Variants in CTNNA3 observed in about 807,000 individuals in gnomAD.
CTNNA3 encodes catenin alpha 3, also known as catenin alpha-3.
Under a neutral mutation model 95.7 loss-of-function variants are expected in CTNNA3, and 76 were observed. The ratio of observed to expected loss-of-function variants is 0.79; its 90% CI spans 0.66 to 0.96. CTNNA3 has a LOEUF of 0.96. Ranked by LOEUF, CTNNA3 falls within the 40% of genes least tolerant of loss-of-function variation. The pLI is 0.00. For missense variants in CTNNA3, 1,191 were observed against 1,089.8 expected (o/e 1.09, Z -1.31); for synonymous variants, 431 against 374.4 (o/e 1.15, Z -1.74).
chr10:66,253,073 T>C lies in CTNNA3; in HGVS notation c.1884+27397A>G, dbSNP rs969517295. Among the ~76,000 whole-genome samples, 126 of 152,310 alleles carry C rather than the reference T, an allele frequency of 8.3e-4. 1 individual carries two copies. The highest frequency in any genetic ancestry group is 2.7e-3 in the African/African-American group (113 of 41,562). ...CTCATTTAGAACATACTTTTTATTCTGCTGTCTAAAGAGCAACATGTCTTC... is the reference window on the plus strand; with the variant it reads ...CTCATTTAGAACATACTTTTTATTCCGCTGTCTAAAGAGCAACATGTCTTC... On this transcript the variant is annotated intron_variant, in intron 13 of 17. Transcript: ENST00000433211.
chr10:66,607,640 A>C (rs989293383), intron 10 of CTNNA3, among the ~76,000 whole-genome samples: 2 of 152,024 alleles, frequency 1.3e-5, no homozygotes, highest in Admixed American at 6.6e-5. Context: ...CTGGGATGCA[A>C]GGTTGATTCA....
At chr10:66,045,043 CAGT>C (rs1234641319) in intron 15 of CTNNA3, among the ~76,000 whole-genome samples, 1 of 152,106 alleles carries the variant, frequency 6.6e-6, no homozygotes, top group African/African-American at 2.4e-5. Flanking sequence ...GAAAAACAAA[CAGT>C]AGCACTCTGG....
chr10:67,444,553 G>A (rs1846664399), intron 5 of CTNNA3, among the ~76,000 whole-genome samples: 1 of 151,936 alleles, frequency 6.6e-6, no homozygotes, highest in Non-Finnish European at 1.5e-5. Context: ...GATCAGAGCA[G>A]ACATAAGTGA....
intron 7 of CTNNA3, among the ~76,000 whole-genome samples, chr10:66,892,382 G>T (rs1020924327): frequency 1.3e-5 from 2 of 151,870 alleles, no homozygotes; most frequent in African/African-American, 2.4e-5. Context: ...TTTCCCTCCC[G>T]GAAAACCAAT....
At chr10:65,990,529 T>C (rs911161505) in intron 15 of CTNNA3, among the ~76,000 whole-genome samples, 5 of 151,946 alleles carry the variant, frequency 3.3e-5, no homozygotes, top group Non-Finnish European at 7.4e-5. Flanking sequence ...TTGTCTTCTT[T>C]TGAGAAATGT....
chr10:67,512,784 A>G (rs535865996), intron 5 of CTNNA3, among the ~76,000 whole-genome samples: 3 of 152,138 alleles, frequency 2.0e-5, no homozygotes, highest in Admixed American at 1.3e-4. Context: ...CAAGAGATCG[A>G]TACCATCCTG....
At chr10:66,601,677 C>T (rs1032925441) in intron 10 of CTNNA3, among the ~76,000 whole-genome samples, 5 of 151,734 alleles carry the variant, frequency 3.3e-5, no homozygotes, top group Non-Finnish European at 1.5e-5. Flanking sequence ...AATGACAAAT[C>T]TTATTTTACA....
chr10:67,422,596 G>C (rs1257776669), intron 5 of CTNNA3, among the ~76,000 whole-genome samples: 1 of 152,086 alleles, frequency 6.6e-6, no homozygotes, highest in East Asian at 1.9e-4. Context: ...GGATCATGGG[G>C]GTGGATTTCC....
At chr10:67,355,004 T>A (rs1387790558) in intron 5 of CTNNA3, among the ~76,000 whole-genome samples, 1 of 151,976 alleles carries the variant, frequency 6.6e-6, no homozygotes, top group Non-Finnish European at 1.5e-5. Flanking sequence ...GAAAAAAATT[T>A]AATCCCTTCC....
chr10:66,159,856 C>T (rs1204275085), intron 13 of CTNNA3, among the ~76,000 whole-genome samples: 1 of 151,808 alleles, frequency 6.6e-6, no homozygotes, highest in Non-Finnish European at 1.5e-5. Flanking sequence ...AATCTCACTG[C>T]TTGTTGTTGG....
At chr10:66,388,007 A>C (rs2092907132) in intron 11 of CTNNA3, among the ~76,000 whole-genome samples, 1 of 152,134 alleles carries the variant, frequency 6.6e-6, no homozygotes, top group Non-Finnish European at 1.5e-5. Context: ...TTATGAGTTG[A>C]TGGGTGCAGC....
chr10:66,384,089 C>A (rs1589169418), intron 11 of CTNNA3, among the ~76,000 whole-genome samples: 1 of 152,120 alleles, frequency 6.6e-6, no homozygotes, highest in Admixed American at 6.6e-5. Context: ...CAAATTCACA[C>A]ATAATAATAC....
rs537743826 is a variant in CTNNA3, at chr10:67,564,534, C to A, written c.293-24865G>T. ...GGGATGGATAGCACTGGGAGATATA[C>A]CTAATGTGAATGATGAGTTAATCGG... On this transcript the variant is annotated intron_variant, in intron 3 of 17. Coordinates refer to ENST00000433211, the MANE Select transcript of CTNNA3 (RefSeq NM_013266.4). Among the ~76,000 whole-genome samples, 45 of 143,632 alleles carry A rather than the reference C, an allele frequency of 3.1e-4. No homozygotes were observed. The South Asian group carries it at 0.011, about 35-fold the overall frequency. The allele number at this position is 143,632 out of a possible 152,430, so 94.2% of individuals were successfully genotyped here. A position where few individuals can be genotyped will look rare whatever the true frequency, so the allele number is the denominator to read the frequency against.
chr10:65,981,890 A>C (rs1211654800), intron 16 of CTNNA3, among the ~76,000 whole-genome samples: 1 of 151,920 alleles, frequency 6.6e-6, no homozygotes, highest in Non-Finnish European at 1.5e-5. Flanking sequence ...AAACCATAAA[A>C]ATTCTAGAAG....
intron 7 of CTNNA3, among the ~76,000 whole-genome samples, chr10:67,156,774 A>G (rs1269674239): frequency 6.6e-6 from 1 of 151,998 alleles, no homozygotes; most frequent in African/African-American, 2.4e-5. Flanking sequence ...TTTTTGATGG[A>G]ATGTTCTGTC....
chr10:67,689,882 G>A (rs1840809392), intron 1 of CTNNA3, among the ~76,000 whole-genome samples: 1 of 152,104 alleles, frequency 6.6e-6, no homozygotes, highest in African/African-American at 2.4e-5. Flanking sequence ...AGAATTCTAA[G>A]GAAAAACAGG....
At chr10:66,795,287 C>T (rs1841143096) in intron 7 of CTNNA3, among the ~76,000 whole-genome samples, 1 of 152,070 alleles carries the variant, frequency 6.6e-6, no homozygotes, top group African/African-American at 2.4e-5. Flanking sequence ...ACTCCTTGAT[C>T]CATGGGTTAC....
At chr10:66,270,978 A>G (rs2091268492) in intron 13 of CTNNA3, among the ~76,000 whole-genome samples, 1 of 152,194 alleles carries the variant, frequency 6.6e-6, no homozygotes, top group Non-Finnish European at 1.5e-5. Flanking sequence ...TGTTCCATCA[A>G]CAAAGGGAAG....
At chr10:66,524,568 T>G (rs944194674) in intron 10 of CTNNA3, among the ~76,000 whole-genome samples, 1 of 152,152 alleles carries the variant, frequency 6.6e-6, no homozygotes, top group African/African-American at 2.4e-5. Flanking sequence ...TCTTGAAAAT[T>G]TGAACTAGAA....
Sources: allele counts gnomAD v4.1 joint callset (sites outside exome capture counted in the v4.1 genomes callset), GRCh38; gene constraint gnomAD v4.1.1; transcripts MANE v1.5; gene names NCBI Gene and HGNC (gene_info 2026-07-23, HGNC 2026-07-21).